CCDC88C: variants seen among roughly 807,000 people sequenced by gnomAD.
The protein encoded by CCDC88C is protein Daple.
In CCDC88C, 131 loss-of-function variants were observed where a neutral mutation model predicts 198.8. The ratio of observed to expected loss-of-function variants is 0.66; its 90% CI spans 0.57 to 0.76. The LOEUF is 0.76. CCDC88C is among the 30% of genes least tolerant of loss of function. CCDC88C has a pLI of 0.00. For synonymous variants in CCDC88C, 1,166 were observed against 1,114.7 expected, an observed-to-expected ratio of 1.05 and a Z score of -0.92; for missense variants, 2,553 against 2,631.6, an observed-to-expected ratio of 0.97 and a Z score of 0.65.
intron 3 of CCDC88C, among the ~76,000 whole-genome samples, chr14:91,403,085 A>T (rs1237275766): frequency 6.6e-6 from 1 of 152,168 alleles, no homozygotes; most frequent in Non-Finnish European, 1.5e-5. Flanking sequence ...TGCTTGAAGG[A>T]GGGCACTCAG....
chr14:91,389,322 C>A (rs1256057854), intron 3 of CCDC88C, among the ~76,000 whole-genome samples: 1 of 152,190 alleles, frequency 6.6e-6, no homozygotes, highest in Non-Finnish European at 1.5e-5. Flanking sequence ...TCCTCCTGGC[C>A]TTCCCGGCTT....
At chr14:91,378,809 T>C (rs1440966471) in intron 3 of CCDC88C, 1 of 152,218 alleles carries the variant, frequency 6.6e-6, no homozygotes, top group Non-Finnish European at 1.5e-5. Context: ...ATCACTGAAG[T>C]TATGCTGCAG....
At chr14:91,394,568 C>A (rs565307964) in intron 3 of CCDC88C, among the ~76,000 whole-genome samples, 35 of 152,340 alleles carry the variant, frequency 2.3e-4, no homozygotes, top group African/African-American at 8.4e-4. Context: ...ATTTACTCCA[C>A]TGAATGGTGG....
At chr14:91,293,319 T>TGCCC (rs879188133) in intron 23 of CCDC88C, among the ~76,000 whole-genome samples, 4 of 2,244 alleles carry the variant, frequency 1.8e-3, no homozygotes, top group East Asian at 8.6e-3. Context: ...CACCTTCCCA[T>TGCCC]CCTCACCTGC....
chr14:91,338,439 A>G lies in CCDC88C; in HGVS notation c.891+50T>C, dbSNP rs754143019. The G allele has an allele frequency of 1.3e-5, 19 of 1,477,042 alleles. No individual in the cohort carries two copies. Among genetic ancestry groups the G allele is most frequent in the Non-Finnish European group, 9.3e-7 (1 of 1,079,634 alleles). 91.5% of individuals were successfully genotyped at this position (1,477,042 alleles called of 1,614,324 possible). A position where few individuals can be genotyped will look rare whatever the true frequency, so the allele number is the denominator to read the frequency against. On this transcript the variant is annotated intron_variant, in intron 9 of 29. Transcript: ENST00000389857. The surrounding 1 kb of genome is among the most constrained non-coding windows in gnomAD (Gnocchi z 4.8). The stretch of plus-strand genomic sequence containing the variant: ...GACCCTCCAGGCCCCGTTACTGGAC[A>G]CTCCAGCCCTGCTACCCCCAGGACA...
At chr14:91,311,874 A>T (rs573489217) in intron 15 of CCDC88C, among the ~76,000 whole-genome samples, 4 of 152,190 alleles carry the variant, frequency 2.6e-5, no homozygotes, top group African/African-American at 9.7e-5. Flanking sequence ...AGTTTGATTC[A>T]TGAAGGTCTA....
intron 14 of CCDC88C, 85 bp downstream of exon 14, chr14:91,315,565 T>C: frequency 6.8e-7 from 1 of 1,470,490 alleles, no homozygotes; most frequent in Non-Finnish European, 9.4e-7. Flanking sequence ...GCATCCACAA[T>C]ACAGTACCAG....
In CCDC88C at chr14:91,273,725, G is replaced by A. The variant is rs745827807; in HGVS notation, c.5059-72C>T. On this transcript the variant is annotated intron_variant, in intron 29 of 29. Transcript: ENST00000389857. This position sits in a 1 kb window ranked among gnomAD's most constrained non-coding sequence, Gnocchi z 5.6. ...GGGTCCTTGGAGCCGCCTCCTGCGCGGGACGCCCCCGAGCAGCCCACGTGG... is the reference window on the plus strand; with the variant it reads ...GGGTCCTTGGAGCCGCCTCCTGCGCAGGACGCCCCCGAGCAGCCCACGTGG... 28 of 1,332,892 alleles carry A rather than the reference G, an allele frequency of 2.1e-5. No homozygotes were observed. The highest frequency in any genetic ancestry group is 1.3e-4 in the South Asian group (6 of 47,222). The allele number at this position is 1,332,892 out of a possible 1,614,324, so 82.6% of individuals were successfully genotyped here. A position where few individuals can be genotyped will look rare whatever the true frequency, so the allele number is the denominator to read the frequency against.
At chr14:91,274,273 G>A (rs937564883) in intron 29 of CCDC88C, among the ~76,000 whole-genome samples, 1 of 152,188 alleles carries the variant, frequency 6.6e-6, no homozygotes, top group Non-Finnish European at 1.5e-5. Context: ...GAATGGTGGG[G>A]CTGCACAGGG....
chr14:91,389,389 AG>A (rs1885348401), intron 3 of CCDC88C, among the ~76,000 whole-genome samples: 1 of 152,204 alleles, frequency 6.6e-6, no homozygotes, highest in Admixed American at 6.5e-5. Context: ...TTCAAAGTCA[AG>A]GTCACTGACC....
chr14:91,359,778 A>T (rs1210341387), intron 3 of CCDC88C, 67 bp from the exon 4 acceptor site: 7 of 1,397,912 alleles, frequency 5.0e-6, no homozygotes. Context: ...GGATTAAGTA[A>T]ATTACAAGTA....
chr14:91,305,957 A>T (rs1293084756), intron 18 of CCDC88C, 31 bp from the exon 19 acceptor site: 2 of 1,602,032 alleles, frequency 1.2e-6, no homozygotes, highest in Non-Finnish European at 8.5e-7. Flanking sequence ...AGCGAATCAA[A>T]CTCCAACTGG....
chr14:91,286,849 GT>G (rs1204735066), intron 25 of CCDC88C, among the ~76,000 whole-genome samples: 1 of 152,204 alleles, frequency 6.6e-6, no homozygotes, highest in East Asian at 1.9e-4. Flanking sequence ...CAAAGCAAAT[GT>G]TTTACACTGC....
Position 91,273,124 on chromosome 14 carries a change from A to T in CCDC88C, c.5588T>A (p.Leu1863His). 6.4e-7 allele frequency: 1 copy of T among 1,574,304 alleles called. No homozygotes were observed. Among genetic ancestry groups the T allele is most frequent in the African/African-American group, 1.3e-5 (1 of 74,162 alleles). ...ACAGGAGCTGCCAGCCTTTCCCACA[A>T]GTGGGGTCCGCTCCCGGGCCAGGCT... ...SHSLARERTPLVGKAGSSCQG... is the reference protein window; with the variant it reads ...SHSLARERTPHVGKAGSSCQG... The change falls in exon 30 of 30, where the codon CTT (leucine) becomes CAT (histidine). Residue 1863 changes from leucine to histidine, a missense_variant. Transcript: ENST00000389857. This position sits in a 1 kb window ranked among gnomAD's most constrained non-coding sequence, Gnocchi z 5.6.
chr14:91,320,312 A>T (rs1892304863), intron 13 of CCDC88C, among the ~76,000 whole-genome samples: 1 of 152,212 alleles, frequency 6.6e-6, no homozygotes. Flanking sequence ...GTAATCAATC[A>T]TGCCTATATA....
chr14:91,316,350 C>G (rs1267318231), intron 13 of CCDC88C, among the ~76,000 whole-genome samples: 1 of 152,198 alleles, frequency 6.6e-6, no homozygotes, highest in Non-Finnish European at 1.5e-5. Flanking sequence ...TAAACATGAA[C>G]TACCTAAACA....
At chr14:91,370,785 G>C (rs777724663) in intron 3 of CCDC88C, among the ~76,000 whole-genome samples, 3 of 152,192 alleles carry the variant, frequency 2.0e-5, no homozygotes, top group African/African-American at 7.2e-5. Flanking sequence ...CAACAGCAGA[G>C]GGATGCTGAG....
Position 91,273,568 on chromosome 14 carries a change from G to A in CCDC88C, c.5144C>T (p.Pro1715Leu). 2.7e-6 allele frequency: 4 copies of A among 1,503,334 alleles called. No individual in the cohort carries two copies. Among genetic ancestry groups the A allele is most frequent in the Non-Finnish European group, 3.6e-6 (4 of 1,125,010 alleles). 93.1% of individuals were successfully genotyped at this position (1,503,334 alleles called of 1,614,324 possible). A position where few individuals can be genotyped will look rare whatever the true frequency, so the allele number is the denominator to read the frequency against. ...CTTGGCCCCTTCTTTCTTGGCAGGT[G>A]GTCCTGGTTGGCCTCCGATGGCTGG... is the stretch of plus-strand genomic sequence containing the variant. ...DPPAIGGQPG[P>L]PAKKEGAKMP... The change falls in exon 30 of 30, where the codon CCA (proline) becomes CTA (leucine). Residue 1715 changes from proline (P) to leucine (L), a missense_variant. Physicochemically the swap from Pro to Leu is moderately conservative, Grantham distance 98. This residue lies in a region of CCDC88C where 1,293 missense variants were observed against 1,219.6 expected (regional missense o/e 1.06). Coordinates refer to ENST00000389857, the MANE Select transcript of CCDC88C (RefSeq NM_001080414.4). The surrounding 1 kb of genome is among the most constrained non-coding windows in gnomAD (Gnocchi z 5.6).
At chr14:91,308,117 G>T (rs1018227040) in intron 17 of CCDC88C, among the ~76,000 whole-genome samples, 1 of 152,198 alleles carries the variant, frequency 6.6e-6, no homozygotes, top group African/African-American at 2.4e-5. Context: ...GGTGGACTTG[G>T]TGCTGCTCTA....
Sources: gnomAD v4.1 joint callset for allele counts (sites outside exome capture counted in the v4.1 genomes callset) on GRCh38, gnomAD v4.1.1 for gene constraint, gnomAD v4.1.1 regional missense constraint, Gnocchi (gnomAD v3.1) non-coding constraint, MANE v1.5 for transcripts, NCBI Gene and HGNC (gene_info 2026-07-23, HGNC 2026-07-21) for gene names.